Variants in PRKCE observed in about 807,000 individuals in gnomAD.
PRKCE encodes the protein protein kinase C epsilon type.
In PRKCE, 16 loss-of-function variants were observed where a neutral mutation model predicts 85.4. The ratio of observed to expected loss-of-function variants is 0.19; its 90% CI spans 0.13 to 0.28. The LOEUF is 0.28. Ranked by LOEUF, PRKCE falls within the 10% of genes least tolerant of loss-of-function variation. The pLI, the probability that PRKCE is intolerant of heterozygous loss-of-function variation, is 1.00. For missense variants in PRKCE, 573 were observed against 975.2 expected (o/e 0.59, Z 5.49); for synonymous variants, 388 against 371.5 (o/e 1.04, Z -0.51).
chr2:45,748,972 C>T (rs542198770), intron 1 of PRKCE, among the ~76,000 whole-genome samples: 1 of 151,946 alleles, frequency 6.6e-6, no homozygotes, highest in African/African-American at 2.4e-5. Context: ...TCACTGCAAC[C>T]TCTGCCTCTT....
chr2:45,822,998 T>G (rs1369249848), intron 1 of PRKCE, among the ~76,000 whole-genome samples: 1 of 152,208 alleles, frequency 6.6e-6, no homozygotes, highest in Non-Finnish European at 1.5e-5. Flanking sequence ...TGCCTTGTCA[T>G]TAATTCCTGT....
Position 46,004,313 on chromosome 2 carries a change from A to C in PRKCE, c.967-229A>C. 1 of 472,462 alleles carries C rather than the reference A, an allele frequency of 2.1e-6. No homozygotes were observed. Among genetic ancestry groups the C allele is most frequent in the Non-Finnish European group, 3.9e-6 (1 of 253,986 alleles). 29.3% of individuals were successfully genotyped at this position (472,462 alleles called of 1,614,324 possible). A position where few individuals can be genotyped will look rare whatever the true frequency, so the allele number is the denominator to read the frequency against. ...ACATCATCCTTCTGTGAATGTAGGG[A>C]AGGTGCACTGAAATTCCTTTTGTGG... On this transcript the variant is annotated intron_variant, in intron 7 of 14. Coordinates refer to ENST00000306156, the MANE Select transcript of PRKCE (RefSeq NM_005400.3). The surrounding 1 kb of genome is among the most constrained non-coding windows in gnomAD (Gnocchi z 4.1).
intron 10 of PRKCE, among the ~76,000 whole-genome samples, chr2:46,036,124 G>C (rs1429148646): frequency 1.3e-5 from 2 of 152,172 alleles, no homozygotes; most frequent in Admixed American, 1.3e-4. Flanking sequence ...CTGGCAGATC[G>C]AGTGGCCCGT....
intron 1 of PRKCE, among the ~76,000 whole-genome samples, chr2:45,656,462 T>C (rs1028859050): frequency 2.6e-5 from 4 of 152,190 alleles, no homozygotes; most frequent in Non-Finnish European, 5.9e-5. Flanking sequence ...ACAAAGGAGG[T>C]TGCTTTAGAG....
intron 1 of PRKCE, among the ~76,000 whole-genome samples, chr2:45,750,616 C>G (rs755437881): frequency 1.3e-5 from 2 of 152,220 alleles, no homozygotes; most frequent in Non-Finnish European, 2.9e-5. Flanking sequence ...ATGATGTCAA[C>G]TTCCTTGTTT....
chr2:45,941,616 A>G (rs1301954758), intron 2 of PRKCE, among the ~76,000 whole-genome samples: 2 of 152,142 alleles, frequency 1.3e-5, no homozygotes, highest in Admixed American at 6.5e-5. Context: ...AGGGGAGGGG[A>G]GATTCAGTCA....
chr2:46,061,862 T>TTTCTTTTTC (rs1553335514), intron 10 of PRKCE, among the ~76,000 whole-genome samples: 5 of 107,092 alleles, frequency 4.7e-5, no homozygotes, highest in African/African-American at 9.3e-5. Flanking sequence ...TCTTTTTCTT[T>TTTCTTTTTC]TTTTTTTTTT....
chr2:45,734,234 G>A (rs765659018), intron 1 of PRKCE, among the ~76,000 whole-genome samples: 7 of 152,052 alleles, frequency 4.6e-5, no homozygotes, highest in Non-Finnish European at 8.8e-5. Context: ...GCGTTGTGGC[G>A]TGCACCCGTA....
At chr2:45,720,413 G>A (rs1311698901) in intron 1 of PRKCE, among the ~76,000 whole-genome samples, 1 of 152,110 alleles carries the variant, frequency 6.6e-6, no homozygotes, top group Non-Finnish European at 1.5e-5. Context: ...AGCTTGGGGA[G>A]TTTTCTGTGA....
chr2:46,031,315 A>G (rs972705647), intron 10 of PRKCE, among the ~76,000 whole-genome samples: 4 of 152,092 alleles, frequency 2.6e-5, no homozygotes, highest in African/African-American at 9.7e-5. Flanking sequence ...AAACATTGGC[A>G]TGTGAATTCC....
intron 14 of PRKCE, among the ~76,000 whole-genome samples, chr2:46,181,827 C>T (rs1019588733): frequency 1.3e-5 from 2 of 152,176 alleles, no homozygotes; most frequent in Non-Finnish European, 2.9e-5. Context: ...ATTCTGAAAC[C>T]TGGAGAATCC....
intron 2 of PRKCE, among the ~76,000 whole-genome samples, chr2:45,975,423 A>G (rs1433433703): frequency 6.6e-6 from 1 of 151,982 alleles, no homozygotes; most frequent in Non-Finnish European, 1.5e-5. Context: ...TATGGGTGGG[A>G]TCTGCTGAGG....
intron 2 of PRKCE, among the ~76,000 whole-genome samples, chr2:45,872,860 G>A (rs145267821): frequency 5.1e-4 from 78 of 152,268 alleles, no homozygotes; most frequent in African/African-American, 1.7e-3. Context: ...GAGGGGCAGC[G>A]GCAGGCTGCA....
At chr2:46,095,994 T>G (rs1379043710) in intron 11 of PRKCE, among the ~76,000 whole-genome samples, 1 of 152,210 alleles carries the variant, frequency 6.6e-6, no homozygotes, top group Non-Finnish European at 1.5e-5. Context: ...TTACAACCTT[T>G]CCAAAAAGGA....
chr2:45,849,142 T>C (rs986779115), intron 2 of PRKCE, among the ~76,000 whole-genome samples: 1 of 152,332 alleles, frequency 6.6e-6, no homozygotes, highest in East Asian at 1.9e-4. Context: ...GAAAATGAAA[T>C]GCCTTAAATG....
intron 1 of PRKCE, among the ~76,000 whole-genome samples, chr2:45,746,845 C>A (rs561787521): frequency 6.6e-6 from 1 of 152,172 alleles, no homozygotes; most frequent in Non-Finnish European, 1.5e-5. Context: ...ACTTCCTTAT[C>A]GTCTCAGGAA....
chr2:45,884,978 TATATATATATATATATATA>T (rs1558793003), intron 2 of PRKCE, among the ~76,000 whole-genome samples: 14 of 69,212 alleles, frequency 2.0e-4, no homozygotes, highest in East Asian at 2.4e-3. Flanking sequence ...TATATATATA[TATATATATATATATATATA>T]TATATTTGTT....
At chr2:45,708,587 C>G (rs980478710) in intron 1 of PRKCE, among the ~76,000 whole-genome samples, 4 of 152,206 alleles carry the variant, frequency 2.6e-5, no homozygotes, top group African/African-American at 9.7e-5. Context: ...GATGGTGAGG[C>G]CTCCCCAGCC....
chr2:45,740,571 A>G (rs1220755560), intron 1 of PRKCE, among the ~76,000 whole-genome samples: 1 of 152,066 alleles, frequency 6.6e-6, no homozygotes, highest in Non-Finnish European at 1.5e-5. Flanking sequence ...GCCCTCCTCA[A>G]ACAGAGCATC....
Sources: gnomAD v4.1 joint callset for allele counts (sites outside exome capture counted in the v4.1 genomes callset) on GRCh38, gnomAD v4.1.1 for gene constraint, Gnocchi (gnomAD v3.1) non-coding constraint, MANE v1.5 for transcripts, NCBI Gene and HGNC (gene_info 2026-07-23, HGNC 2026-07-21) for gene names.